The following KIR2DL4 variants were observed in gnomAD, a reference collection of about 807,000 sequenced individuals.
The protein encoded by KIR2DL4 is killer cell immunoglobulin-like receptor 2DL4.
KIR2DL4 carries 41 observed loss-of-function variants against 31.0 expected under a neutral mutation model. The observed-to-expected ratio is 1.32, with a 90% CI of 1.03 to 1.72. The LOEUF is 1.72. Among genes scored for constraint, KIR2DL4 ranks in the 40% most tolerant of loss-of-function variants. The probability of loss-of-function intolerance (pLI) is 0.00; values close to 1 mark genes in which losing one functional copy is unlikely to be tolerated. For synonymous variants in KIR2DL4, 164 were observed against 133.6 expected (o/e 1.23, Z -1.57); for missense variants, 438 against 353.7 (o/e 1.24, Z -1.91).
At chr19:54,808,962 A>C in intron 5 of KIR2DL4, 79 bp downstream of exon 5, 1 of 1,113,294 alleles carries the variant, frequency 9.0e-7, no homozygotes. Context: ...TTGGCTCAGC[A>C]CCTGCCAGCT....
intron 5 of KIR2DL4, among the ~76,000 whole-genome samples, chr19:54,811,419 C>T (rs201457831): frequency 6.6e-6 from 1 of 151,194 alleles, no homozygotes; most frequent in Non-Finnish European, 1.5e-5. Context: ...ATAAAGAATA[C>T]ATAAATATAA....
chr19:54,805,149 A>G (rs1340806144), intron 3 of KIR2DL4, 72 bp downstream of exon 3: 6 of 1,440,444 alleles, frequency 4.2e-6, no homozygotes, highest in Non-Finnish European at 5.6e-6. Flanking sequence ...GGGGGTGTCC[A>G]CCAGAGTCCG....
intron 5 of KIR2DL4, among the ~76,000 whole-genome samples, chr19:54,811,965 A>G (rs1221026432): frequency 6.6e-6 from 1 of 151,404 alleles, no homozygotes; most frequent in Non-Finnish European, 1.5e-5. Context: ...TTGATATAAG[A>G]CAGCTCAACC....
rs1345651814 is a variant in KIR2DL4 at position 54,807,516 on chromosome 19, C to T, written c.655+1272C>T. 2.0e-5 allele frequency among the ~76,000 whole-genome samples: 3 copies of T among 151,038 alleles called. No individual in the cohort carries two copies. In the East Asian group the frequency reaches 5.8e-4, roughly 29 times the overall value. On this transcript the variant is annotated intron_variant, in intron 4 of 7. Coordinates refer to ENST00000359085, the Ensembl canonical transcript of KIR2DL4. ...GCAATGGCACCACCTGGGCTCACTG[C>T]AACCTCTACCTCCAGGATTCAAGTG...
At chr19:54,810,388 A>T (rs1393957360) in intron 5 of KIR2DL4, among the ~76,000 whole-genome samples, 1 of 151,110 alleles carries the variant, frequency 6.6e-6, no homozygotes, top group East Asian at 1.9e-4. Context: ...CAGCCTCCCA[A>T]AGTGCTGAGA....
chr19:54,805,394 G>C lies in KIR2DL4; in HGVS notation c.361+317G>C, dbSNP rs1021155513. ...CCACTGGGCTCAGTGTAATCACAAG[G>C]GTCCATATGAGTGGAGAAGGAAGAG... On this transcript the variant is annotated intron_variant, in intron 3 of 7. Coordinates refer to ENST00000359085, the Ensembl canonical transcript of KIR2DL4. Among the ~76,000 whole-genome samples the C allele has an allele frequency of 4.6e-4, 70 of 151,262 alleles. 1 individual carries two copies. Among genetic ancestry groups the C allele is most frequent in the Middle Eastern group, 6.8e-3 (2 of 292 alleles).
chr19:54,808,110 A>G (rs1336373586), intron 4 of KIR2DL4, among the ~76,000 whole-genome samples: 1 of 150,574 alleles, frequency 6.6e-6, no homozygotes, highest in African/African-American at 2.5e-5. Flanking sequence ...TCTCAGATGC[A>G]TAGTTTGCAA....
At chr19:54,804,891 A>G (rs1249799817) in exon 3 of KIR2DL4, 2 of 1,612,142 alleles carry the variant, frequency 1.2e-6, no homozygotes, top group Non-Finnish European at 1.7e-6. Context: ...TGGGTTTAAC[A>G]TCTTCACGCT....
intron 1 of KIR2DL4, 40 bp downstream of exon 1, chr19:54,803,731 G>A: frequency 3.7e-6 from 6 of 1,600,764 alleles, no homozygotes; most frequent in Non-Finnish European, 4.3e-6. Flanking sequence ...GTTACACTAT[G>A]GGCCTGCAGA....
At chr19:54,808,699 A>G in intron 4 of KIR2DL4, 134 bp from the exon 5 acceptor site, 1 of 767,592 alleles carries the variant, frequency 1.3e-6, no homozygotes, top group Middle Eastern at 3.7e-4. Context: ...ATGATTATGG[A>G]GAATGGGATG....
At position 54,813,738 on chromosome 19, in the gene KIR2DL4, G is replaced by T. The variant is rs536671464; in HGVS notation, c.*37G>T. On this transcript the variant is annotated 3_prime_UTR_variant, in exon 7 of 8. Transcript: ENST00000359085. ...CCTGCGGGACACAGAACAGTGAACA[G>T]GGAGGTAGGTCCTCCTAGCCCAGCC... The T allele has an allele frequency of 2.2e-5, 36 of 1,611,874 alleles. 2 individuals carry two copies. The African/African-American group carries it at 3.6e-4, about 16-fold the overall frequency.
At position 54,813,181 on chromosome 19, in the gene KIR2DL4, A is replaced by T. The variant is rs1439469118; in HGVS notation, c.763A>T (p.Thr255Ser). The change falls in exon 6 of 8, where the codon ACC (threonine) becomes TCC (serine). Residue 255 changes from threonine to serine, a missense_variant. Physicochemically the swap from Thr to Ser is moderately conservative, Grantham distance 58 (BLOSUM62 1). Coordinates refer to ENST00000359085, the Ensembl canonical transcript of KIR2DL4. ...GTACTCAGTGGCCATCATCCTCTTTACCATCCTTCCCTTCTTTCTCCTTCA... is the reference window on the plus strand; with the variant it reads ...GTACTCAGTGGCCATCATCCTCTTTTCCATCCTTCCCTTCTTTCTCCTTCA... 6 of 1,539,696 alleles carry T rather than the reference A, an allele frequency of 3.9e-6. No individual in the cohort carries two copies. The African/African-American group carries it at 1.0e-4, about 26-fold the overall frequency.
intron 6 of KIR2DL4, 44 bp from the exon 6 acceptor site, chr19:54,813,646 A>C: frequency 1.3e-6 from 2 of 1,591,654 alleles, no homozygotes; most frequent in Non-Finnish European, 8.6e-7. Context: ...ATGAGGACCC[A>C]GAAGTGCCCT....
At chr19:54,807,314 C>T (rs1162916586) in intron 4 of KIR2DL4, among the ~76,000 whole-genome samples, 1 of 151,350 alleles carries the variant, frequency 6.6e-6, no homozygotes, top group Non-Finnish European at 1.5e-5. Flanking sequence ...CTACTGTGAA[C>T]AGTGCTGGAA....
intron 4 of KIR2DL4, among the ~76,000 whole-genome samples, chr19:54,806,897 C>T (rs2060565520): frequency 6.6e-6 from 1 of 150,826 alleles, no homozygotes; most frequent in Admixed American, 6.6e-5. Context: ...CGCCTATAAT[C>T]CCAGCAACTT....
Position 54,812,975 on chromosome 19 carries a change from G to A in KIR2DL4, c.707-150G>A, listed in dbSNP as rs55736818. ...TTGTTATTATGAAAACTATAACGGA[G>A]AAAGCAGGAGAAAGCTGGGTCTCCC... is the stretch of plus-strand genomic sequence containing the variant. On this transcript the variant is annotated intron_variant, in intron 5 of 7. Transcript: ENST00000359085. 1.5e-3 allele frequency: 875 copies of A among 582,692 alleles called. 43 individuals are homozygous for A. The African/African-American group carries it at 0.017, about 11-fold the overall frequency. 36.1% of individuals were successfully genotyped at this position (582,692 alleles called of 1,614,324 possible). A position where few individuals can be genotyped will look rare whatever the true frequency, so the allele number is the denominator to read the frequency against.
At chr19:54,804,824 G>C in exon 3 of KIR2DL4, 1 of 1,612,240 alleles carries the variant, frequency 6.2e-7, no homozygotes, top group Non-Finnish European at 8.5e-7. Flanking sequence ...GCTCTGCCTG[G>C]CCCAGCGCTG....
chr19:54,813,006 G>T, intron 5 of KIR2DL4: 4 of 682,718 alleles, frequency 5.9e-6, no homozygotes, highest in Non-Finnish European at 9.5e-6. Flanking sequence ...CTCCCGCCTC[G>T]TGGGTGCTTG....
chr19:54,811,916 G>A (rs1465154778), intron 5 of KIR2DL4, among the ~76,000 whole-genome samples: 4 of 151,486 alleles, frequency 2.6e-5, no homozygotes, highest in African/African-American at 4.9e-5. Flanking sequence ...GACAAAAGTA[G>A]CATGTTGCCC....
Sources: gnomAD v4.1 joint callset for allele counts (sites outside exome capture counted in the v4.1 genomes callset) on GRCh38, gnomAD v4.1.1 for gene constraint, MANE v1.5 for transcripts, NCBI Gene and HGNC (gene_info 2026-07-23, HGNC 2026-07-21) for gene names.